KIF16B: variants seen among roughly 807,000 people sequenced by gnomAD.
KIF16B encodes the protein kinesin-like protein KIF16B.
In KIF16B, 98 loss-of-function variants were observed where a neutral mutation model predicts 156.3. The ratio of observed to expected loss-of-function variants is 0.63; its 90% confidence interval spans 0.53 to 0.74. The LOEUF is 0.74. Among genes scored for constraint, KIF16B ranks in the 30% least tolerant of loss-of-function variants. The pLI, the probability that KIF16B is intolerant of heterozygous loss-of-function variation, is 0.00. For missense variants in KIF16B, 1,421 were observed against 1,606.5 expected (o/e 0.88, Z 1.97); for synonymous variants, 564 against 583.7 (o/e 0.97, Z 0.49).
chr20:16,559,516 C>G (rs927960175), intron 1 of KIF16B, among the ~76,000 whole-genome samples: 2 of 152,080 alleles, frequency 1.3e-5, no homozygotes, highest in Non-Finnish European at 2.9e-5. Context: ...GCCTGTAATC[C>G]CCACATGCTG....
intron 12 of KIF16B, among the ~76,000 whole-genome samples, chr20:16,448,242 C>T (rs192847213): frequency 4.6e-5 from 7 of 152,182 alleles, no homozygotes; most frequent in African/African-American, 1.4e-4. Flanking sequence ...CGGGAAGGGG[C>T]GGAAAGAAAG....
intron 17 of KIF16B, among the ~76,000 whole-genome samples, chr20:16,403,308 C>T (rs1185765699): frequency 2.0e-5 from 3 of 152,290 alleles, no homozygotes. Context: ...TAAACTTAAA[C>T]ATTAGTGATT....
chr20:16,532,174 G>T (rs895765824), intron 1 of KIF16B, among the ~76,000 whole-genome samples: 1 of 42,560 alleles, frequency 2.3e-5, no homozygotes, highest in Non-Finnish European at 4.2e-5. Flanking sequence ...TATGATAATA[G>T]TATTATGACT....
chr20:16,307,392 C>T (rs953874161), intron 25 of KIF16B, among the ~76,000 whole-genome samples: 2 of 152,096 alleles, frequency 1.3e-5, no homozygotes, highest in Non-Finnish European at 2.9e-5. Flanking sequence ...TCTGATAATT[C>T]AGTGAAGGTG....
chr20:16,468,155 T>C (rs766069139), intron 12 of KIF16B, among the ~76,000 whole-genome samples: 5 of 152,184 alleles, frequency 3.3e-5, no homozygotes, highest in Non-Finnish European at 7.3e-5. Flanking sequence ...AAACAAATTA[T>C]GACTGAAAGT....
chr20:16,461,122 G>A (rs1186757894), intron 12 of KIF16B, among the ~76,000 whole-genome samples: 1 of 151,684 alleles, frequency 6.6e-6, no homozygotes, highest in Non-Finnish European at 1.5e-5. Context: ...TTAATATTTT[G>A]AAACAAGATA....
intron 25 of KIF16B, among the ~76,000 whole-genome samples, chr20:16,301,841 G>A (rs1290622359): frequency 2.6e-5 from 4 of 151,952 alleles, no homozygotes; most frequent in Admixed American, 2.6e-4. Context: ...GTAGAGATGG[G>A]GTTTCACCAT....
At chr20:16,531,729 T>C (rs1433463245) in intron 1 of KIF16B, among the ~76,000 whole-genome samples, 1 of 151,996 alleles carries the variant, frequency 6.6e-6, no homozygotes, top group African/African-American at 2.4e-5. Flanking sequence ...AATATAACGA[T>C]GAAAGGGAAA....
intron 17 of KIF16B, among the ~76,000 whole-genome samples, chr20:16,403,913 G>A (rs1209427569): frequency 1.3e-5 from 2 of 152,192 alleles, no homozygotes; most frequent in African/African-American, 4.8e-5. Flanking sequence ...AGGTGACAGA[G>A]TCAAAGCATG....
chr20:16,455,209 A>G (rs922189219), intron 12 of KIF16B, among the ~76,000 whole-genome samples: 2 of 152,108 alleles, frequency 1.3e-5, no homozygotes, highest in Admixed American at 6.6e-5. Context: ...TTTTTAAAAT[A>G]TATTTATAAC....
chr20:16,440,732 C>T (rs966971117), intron 12 of KIF16B, among the ~76,000 whole-genome samples: 1 of 152,114 alleles, frequency 6.6e-6, no homozygotes, highest in East Asian at 1.9e-4. Flanking sequence ...ACAGTAAATA[C>T]AATTAATACT....
At chr20:16,458,361 C>CA (rs1452891461) in intron 12 of KIF16B, among the ~76,000 whole-genome samples, 1 of 152,188 alleles carries the variant, frequency 6.6e-6, no homozygotes, top group East Asian at 1.9e-4. Flanking sequence ...GTCACCTAGG[C>CA]AATTGCTCAG....
intron 1 of KIF16B, among the ~76,000 whole-genome samples, chr20:16,548,903 T>C (rs769047522): frequency 1.3e-5 from 2 of 151,866 alleles, no homozygotes; most frequent in African/African-American, 2.4e-5. Context: ...CCCAAAATAC[T>C]GAAAACACTA....
intron 18 of KIF16B, 54 bp from the exon 19 acceptor site, chr20:16,380,217 C>G: frequency 7.1e-7 from 1 of 1,402,598 alleles, no homozygotes; most frequent in Non-Finnish European, 9.3e-7. Flanking sequence ...AAATGTTGCT[C>G]TAACTTTACT....
At chr20:16,436,930 G>T (rs939521904) in intron 12 of KIF16B, among the ~76,000 whole-genome samples, 1 of 152,160 alleles carries the variant, frequency 6.6e-6, no homozygotes, top group Non-Finnish European at 1.5e-5. Flanking sequence ...GTCATCCCTT[G>T]ATATCCATGG....
At chr20:16,535,010 A>AT (rs142786748) in intron 1 of KIF16B, among the ~76,000 whole-genome samples, 22,973 of 150,588 alleles carry the variant, frequency 0.15, 2,151 homozygotes, top group Non-Finnish European at 0.21. Context: ...AAATTTTAGA[A>AT]TTTTTTTTTT....
At chr20:16,507,691 G>T (rs531137316) in intron 7 of KIF16B, among the ~76,000 whole-genome samples, 2 of 152,278 alleles carry the variant, frequency 1.3e-5, no homozygotes, top group African/African-American at 4.8e-5. Flanking sequence ...ATTAAGCACA[G>T]AGCAAGTTGT....
intron 10 of KIF16B, among the ~76,000 whole-genome samples, chr20:16,499,451 C>T (rs539741876): frequency 6.6e-6 from 1 of 152,312 alleles, no homozygotes; most frequent in East Asian, 1.9e-4. Context: ...AACCCAAGGT[C>T]AAATCCATCC....
chr20:16,373,270 T>C (rs886290833), intron 20 of KIF16B, among the ~76,000 whole-genome samples: 5 of 152,242 alleles, frequency 3.3e-5, no homozygotes, highest in South Asian at 2.1e-4. Context: ...TCACCCCTGA[T>C]AGTCACTTAA....
Sources: gnomAD v4.1 joint callset for allele counts (sites outside exome capture counted in the v4.1 genomes callset) on GRCh38, gnomAD v4.1.1 for gene constraint, MANE v1.5 for transcripts, NCBI Gene and HGNC (gene_info 2026-07-23, HGNC 2026-07-21) for gene names.